The following RCN3 variants were observed in gnomAD, a reference collection of about 807,000 sequenced individuals.
The protein encoded by RCN3 is reticulocalbin-3.
A neutral mutation model predicts 35.9 loss-of-function variants in RCN3; 41 were observed. The ratio of observed to expected loss-of-function variants is 1.14; its 90% CI spans 0.89 to 1.48. RCN3 has a LOEUF of 1.48. Among genes scored for constraint, RCN3 ranks in the 40% most tolerant of loss-of-function variants. The pLI, the probability that RCN3 is intolerant of heterozygous loss-of-function variation, is 0.00. For missense variants in RCN3, 451 were observed against 471.3 expected (o/e 0.96, Z 0.40); for synonymous variants, 187 against 193.4 (o/e 0.97, Z 0.27).
rs867059435 is a variant in RCN3 at position 49,536,914 on chromosome 19, T to C, written c.446-119T>C. On this transcript the variant is annotated intron_variant, in intron 3 of 6. Transcript: ENST00000270645. ...AGCCACTGCATCCAGCCTACTGATA[T>C]ATACTTATTAACTCCACAGAAATCT... 19 of 957,146 alleles carry C rather than the reference T, an allele frequency of 2.0e-5. No individual in the cohort carries two copies. The African/African-American group carries it at 2.7e-4, about 14-fold the overall frequency. 59.3% of individuals were successfully genotyped at this position (957,146 alleles called of 1,614,324 possible). A position where few individuals can be genotyped will look rare whatever the true frequency, so the allele number is the denominator to read the frequency against.
chr19:49,536,507 A>G (rs1433910997), intron 3 of RCN3, among the ~76,000 whole-genome samples: 2 of 138,100 alleles, frequency 1.4e-5, no homozygotes, highest in African/African-American at 5.5e-5. Flanking sequence ...CACCATGTTG[A>G]CCAGGCTGGT....
Position 49,543,167 on chromosome 19 carries a change from C to G in RCN3, c.941C>G (p.Ala314Gly). The change falls in exon 7 of 7, where the codon GCC becomes GGC. Residue 314 changes from alanine (A) to glycine (G), a missense_variant. Transcript: ENST00000270645. Reference protein sequence around the residue: ...GNWNMFVGSQATNYGEDLTRH... With the variant: ...GNWNMFVGSQGTNYGEDLTRH... ...TGGAACATGTTTGTGGGCAGTCAGG[C>G]CACCAACTATGGCGAGGACCTGACC... The G allele has an allele frequency of 1.2e-6, 2 of 1,614,092 alleles. No homozygotes were observed. Among genetic ancestry groups the G allele is most frequent in the South Asian group, 2.2e-5 (2 of 91,074 alleles).
chr19:49,537,318 A>G, intron 4 of RCN3, 113 bp downstream of exon 4: 1 of 1,116,464 alleles, frequency 9.0e-7, no homozygotes, highest in Non-Finnish European at 1.2e-6. Flanking sequence ...CTGGTTCTCC[A>G]GCATCTTGCC....
intron 2 of RCN3, 140 bp from the exon 3 acceptor site, chr19:49,534,053 C>A: frequency 1.2e-6 from 1 of 859,326 alleles, no homozygotes; most frequent in Non-Finnish European, 1.7e-6. Flanking sequence ...AATTGACCCG[C>A]GCCCCTCCCC....
At chr19:49,538,041 G>A (rs536464004) in intron 4 of RCN3, among the ~76,000 whole-genome samples, 13 of 151,340 alleles carry the variant, frequency 8.6e-5, no homozygotes, top group African/African-American at 2.9e-4. Context: ...ACCCAGACCG[G>A]AGGGCAGTGG....
At position 49,543,619 on chromosome 19, in the gene RCN3, A is replaced by C; in HGVS notation, c.*406A>C. 3.1e-5 allele frequency: 6 copies of C among 193,982 alleles called. No homozygotes were observed. The highest frequency in any genetic ancestry group is 1.2e-4 in the East Asian group (1 of 8,418). The allele number at this position is 193,982 out of a possible 1,614,324, so 12.0% of individuals were successfully genotyped here. ...CCTCCTCTCTGCCAGGAGGCAATAA[A>C]AGCCAGCGCCGGGACCTTGTGTGTC... On this transcript the variant is annotated 3_prime_UTR_variant, in exon 7 of 7. Transcript: ENST00000270645.
chr19:49,530,133 G>A (rs938636540), intron 2 of RCN3, among the ~76,000 whole-genome samples: 3 of 150,930 alleles, frequency 2.0e-5, no homozygotes, highest in Non-Finnish European at 2.9e-5. Flanking sequence ...ACAAGTGAAC[G>A]CCTCCACATC....
chr19:49,542,299 A>C (rs1161705989), intron 5 of RCN3, among the ~76,000 whole-genome samples: 3 of 152,146 alleles, frequency 2.0e-5, no homozygotes, highest in Non-Finnish European at 4.4e-5. Flanking sequence ...ACACTACTTC[A>C]CGTGTGTGTC....
chr19:49,540,256 C>T (rs752334910), intron 5 of RCN3, among the ~76,000 whole-genome samples: 1 of 151,814 alleles, frequency 6.6e-6, no homozygotes, highest in Non-Finnish European at 1.5e-5. Flanking sequence ...AGCAATCTTC[C>T]CACCTTGGCC....
rs149574891 is a variant in RCN3, at chr19:49,529,455, G to C, written c.242+741G>C. ...CCTCTCCGTCCAGGCCTGAGCGCAGGGGGGCGCGATGGGAGCAGCCGCCTT... is the reference window on the plus strand; with the variant it reads ...CCTCTCCGTCCAGGCCTGAGCGCAGCGGGGCGCGATGGGAGCAGCCGCCTT... On this transcript the variant is annotated intron_variant, in intron 2 of 6. Transcript: ENST00000270645. Among the ~76,000 whole-genome samples, 651 of 152,286 alleles carry C rather than the reference G, an allele frequency of 4.3e-3. 3 individuals carry two copies. The highest frequency in any genetic ancestry group is 0.015 in the African/African-American group (611 of 41,572).
chr19:49,536,943 T>C, intron 3 of RCN3, 90 bp from the exon 4 acceptor site: 1 of 1,229,270 alleles, frequency 8.1e-7, no homozygotes. Context: ...GAAATCTTTG[T>C]ACCCCAGTAG....
rs1431366755 is a variant in RCN3, at chr19:49,532,262, C to T, written c.243-1931C>T. On this transcript the variant is annotated intron_variant, in intron 2 of 6. Coordinates refer to ENST00000270645, the MANE Select transcript of RCN3 (RefSeq NM_020650.3). The stretch of plus-strand genomic sequence containing the variant: ...CTGGGACTACAGGCACCTGCCACCA[C>T]GCCCGGCTAATTTTTTGTATTTTTA... Among the ~76,000 whole-genome samples, 5 of 141,810 alleles carry T rather than the reference C, an allele frequency of 3.5e-5. No homozygotes were observed. The South Asian group carries it at 6.8e-4, about 19-fold the overall frequency. 93.0% of individuals were successfully genotyped at this position (141,810 alleles called of 152,430 possible).
chr19:49,535,524 T>A (rs1317861288), intron 3 of RCN3, among the ~76,000 whole-genome samples: 1 of 152,220 alleles, frequency 6.6e-6, no homozygotes, highest in East Asian at 1.9e-4. Context: ...GCATATAATC[T>A]CTCACAAGTT....
At chr19:49,533,594 C>T (rs1362882377) in intron 2 of RCN3, among the ~76,000 whole-genome samples, 1 of 152,036 alleles carries the variant, frequency 6.6e-6, no homozygotes, top group Non-Finnish European at 1.5e-5. Flanking sequence ...GGTGATGGTC[C>T]TCAGGCAGTG....
chr19:49,540,932 CTTTTT>C (rs1262372704), intron 5 of RCN3, among the ~76,000 whole-genome samples: 2 of 138,874 alleles, frequency 1.4e-5, no homozygotes, highest in South Asian at 4.6e-4. Flanking sequence ...GTCCCCATCT[CTTTTT>C]TTTTTTTTTT....
chr19:49,528,793 G>A (rs964322537), intron 2 of RCN3, 79 bp downstream of exon 2: 2 of 1,414,392 alleles, frequency 1.4e-6, no homozygotes, highest in Non-Finnish European at 1.9e-6. Flanking sequence ...AGGGGTCAGA[G>A]AAATGGCGTG....
At chr19:49,541,880 T>G (rs922238014) in intron 5 of RCN3, among the ~76,000 whole-genome samples, 1 of 151,920 alleles carries the variant, frequency 6.6e-6, no homozygotes, top group Non-Finnish European at 1.5e-5. Context: ...CTTGGGAGGC[T>G]GAGGCAGGAG....
intron 3 of RCN3, among the ~76,000 whole-genome samples, chr19:49,534,613 A>T (rs549571228): frequency 1.1e-4 from 16 of 152,200 alleles, no homozygotes; most frequent in African/African-American, 3.1e-4. Flanking sequence ...ATTTAGCTGC[A>T]TGCTAAAAAC....
Position 49,528,730 on chromosome 19 carries a change from G to T in RCN3, c.242+16G>T. ...CCCGTCTGGGGTAAGAGAGACATTC[G>T]GTTGGGGCGTGTCCAGAGGTGGGGC... On this transcript the variant is annotated intron_variant, in intron 2 of 6. Coordinates refer to ENST00000270645, the MANE Select transcript of RCN3 (RefSeq NM_020650.3). 6.4e-7 allele frequency: 1 copy of T among 1,554,812 alleles called. No individual in the cohort carries two copies. The highest frequency in any genetic ancestry group is 8.7e-7 in the Non-Finnish European group (1 of 1,147,970).
Sources: allele counts gnomAD v4.1 joint callset (sites outside exome capture counted in the v4.1 genomes callset), GRCh38; gene constraint gnomAD v4.1.1; transcripts MANE v1.5; gene names NCBI Gene and HGNC (gene_info 2026-07-23, HGNC 2026-07-21).